Variants in POLR1A observed in about 807,000 individuals in gnomAD.
POLR1A encodes DNA-directed RNA polymerase I subunit RPA1.
Under a neutral mutation model 205.3 loss-of-function variants are expected in POLR1A, and 84 were observed. The observed-to-expected ratio is 0.41, with a 90% CI of 0.34 to 0.49. The LOEUF (loss-of-function observed/expected upper bound fraction) is 0.49. Among genes scored for constraint, POLR1A ranks in the 20% least tolerant of loss-of-function variants. The probability of loss-of-function intolerance (pLI) is 0.22; values close to 1 mark genes in which losing one functional copy is unlikely to be tolerated. For synonymous variants in POLR1A, 799 were observed against 863.7 expected (o/e 0.93, Z 1.31); for missense variants, 1,645 against 2,204.5 (o/e 0.75, Z 5.08).
intron 3 of POLR1A, 24 bp from the exon 4 acceptor site, chr2:86,089,953 C>T: frequency 1.6e-6 from 2 of 1,252,764 alleles, no homozygotes; most frequent in Non-Finnish European, 2.4e-6. Context: ...AGGAAAACTC[C>T]ATTATCACAG....
intron 16 of POLR1A, among the ~76,000 whole-genome samples, chr2:86,051,890 G>C (rs1672809469): frequency 6.6e-6 from 1 of 152,250 alleles, no homozygotes; most frequent in Non-Finnish European, 1.5e-5. Context: ...TCGTGTCTTA[G>C]GATCACCCCG....
Position 86,028,171 on chromosome 2 carries a change from T to C in POLR1A, c.4898-122A>G. 1 of 903,450 alleles carries C rather than the reference T, an allele frequency of 1.1e-6. No homozygotes were observed. The highest frequency in any genetic ancestry group is 1.8e-6 in the Non-Finnish European group (1 of 558,504). 56.0% of individuals were successfully genotyped at this position (903,450 alleles called of 1,614,324 possible). A position where few individuals can be genotyped will look rare whatever the true frequency, so the allele number is the denominator to read the frequency against. On this transcript the variant is annotated intron_variant, in intron 32 of 33. Coordinates refer to ENST00000263857, the MANE Select transcript of POLR1A (RefSeq NM_015425.6). This position sits in a 1 kb window ranked among gnomAD's most constrained non-coding sequence, Gnocchi z 4.5. The stretch of plus-strand genomic sequence containing the variant: ...TGGGAGTTAGACTCTGGGGCTCCCC[T>C]TCAGCTCCGCCACCTGCTCACGCTA...
At chr2:86,040,272 C>T (rs1203120841) in intron 25 of POLR1A, 120 bp downstream of exon 25, 1 of 801,008 alleles carries the variant, frequency 1.2e-6, no homozygotes, top group African/African-American at 1.8e-5. Context: ...GACCCTGTCC[C>T]TCTCTCACAC....
intron 2 of POLR1A, 85 bp downstream of exon 2, chr2:86,099,883 C>T (rs2104437541): frequency 2.5e-6 from 3 of 1,179,330 alleles, no homozygotes; most frequent in South Asian, 1.2e-5. Context: ...GGCTTAACCT[C>T]CTTAGACCAC....
At chr2:86,103,714 A>G (rs1176398204) in intron 1 of POLR1A, among the ~76,000 whole-genome samples, 1 of 152,228 alleles carries the variant, frequency 6.6e-6, no homozygotes, top group Non-Finnish European at 1.5e-5. Flanking sequence ...AAAAGACAAG[A>G]GTGACACATA....
rs373425985 is a variant in POLR1A at position 86,096,933 on chromosome 2, C to T, written c.432+1678G>A. ...GTCAACAGAGTGAAAAGACAACCTA[C>T]GGAATAGGAGAAAATATTTGCAAAC... On this transcript the variant is annotated intron_variant, in intron 3 of 33. Transcript: ENST00000263857. 1.2e-3 allele frequency among the ~76,000 whole-genome samples: 175 copies of T among 152,132 alleles called. 3 individuals carry two copies. The South Asian group carries it at 0.033, about 29-fold the overall frequency.
At chr2:86,099,727 C>T (rs1171847343) in intron 2 of POLR1A, among the ~76,000 whole-genome samples, 2 of 152,170 alleles carry the variant, frequency 1.3e-5, no homozygotes, top group South Asian at 2.1e-4. Flanking sequence ...CGACCCTCCA[C>T]GCAAACGGAA....
At chr2:86,095,855 G>C (rs917894418) in intron 3 of POLR1A, among the ~76,000 whole-genome samples, 20 of 151,956 alleles carry the variant, frequency 1.3e-4, no homozygotes, top group African/African-American at 4.4e-4. Flanking sequence ...AGCCTCCGGA[G>C]TAGCTGGGAC....
intron 4 of POLR1A, 94 bp from the exon 5 acceptor site, chr2:86,088,964 C>T: frequency 1.2e-6 from 1 of 843,904 alleles, no homozygotes; most frequent in Non-Finnish European, 1.9e-6. Context: ...TATTTTTAAC[C>T]AGCGGAAACA....
chr2:86,050,164 C>A (rs1271740425), intron 16 of POLR1A, among the ~76,000 whole-genome samples: 4 of 152,138 alleles, frequency 2.6e-5, no homozygotes, highest in African/African-American at 9.7e-5. Context: ...GATCCACCTG[C>A]CTCGGCCTCC....
At position 86,033,675 on chromosome 2, in the gene POLR1A, AC is replaced by A; in HGVS notation, c.4146del (p.Glu1382AspfsTer87). ...ATQRDLDNAGELGRSRGEQEG... is the reference protein window; with the variant it reads ...ATQRDLDNAGXLGRSRGEQEG... Reference sequence around the variant, plus strand: ...GACTCACTCACCCGACTCCTCCCCAACTCCCCAGCGTTGTCCAGATCCCGCT... The same window carrying A: ...GACTCACTCACCCGACTCCTCCCCAATCCCCAGCGTTGTCCAGATCCCGCT... On this transcript the variant is annotated frameshift_variant, in exon 28 of 34. Transcript: ENST00000263857. LOFTEE classifies it high-confidence loss of function. 1.2e-6 allele frequency: 2 copies of A among 1,613,170 alleles called. No individual in the cohort carries two copies. The highest frequency in any genetic ancestry group is 1.7e-6 in the Non-Finnish European group (2 of 1,179,764).
chr2:86,104,739 G>A (rs532489039), intron 1 of POLR1A, among the ~76,000 whole-genome samples: 1 of 152,330 alleles, frequency 6.6e-6, no homozygotes, highest in South Asian at 2.1e-4. Context: ...GAGCCACCGT[G>A]CCCGGCCATG....
At chr2:86,051,255 T>C (rs1436332229) in intron 16 of POLR1A, among the ~76,000 whole-genome samples, 1 of 152,200 alleles carries the variant, frequency 6.6e-6, no homozygotes, top group Non-Finnish European at 1.5e-5. Flanking sequence ...ATCCCACTTT[T>C]TCCAAATGTA....
chr2:86,074,891 G>T, intron 12 of POLR1A, 139 bp downstream of exon 12: 1 of 630,778 alleles, frequency 1.6e-6, no homozygotes, highest in Non-Finnish European at 2.8e-6. Flanking sequence ...AATCTAAAAA[G>T]CCACCCACGT....
chr2:86,085,766 A>G (rs1168337287), intron 6 of POLR1A, among the ~76,000 whole-genome samples: 1 of 152,220 alleles, frequency 6.6e-6, no homozygotes, highest in African/African-American at 2.4e-5. Context: ...GCAGCTTGCA[A>G]CAATGCCTTC....
Position 86,033,641 on chromosome 2 carries a change from A to C in POLR1A, c.4161+20T>G. 6.2e-7 allele frequency: 1 copy of C among 1,609,902 alleles called. No homozygotes were observed. The highest frequency in any genetic ancestry group is 1.7e-5 in the Admixed American group (1 of 59,766). ...GGGCTGTCCCTGTGCAACTCTAGTG[A>C]CCCCCGGGGACTCACTCACCCGACT... On this transcript the variant is annotated intron_variant, in intron 28 of 33. Coordinates refer to ENST00000263857, the MANE Select transcript of POLR1A (RefSeq NM_015425.6).
intron 19 of POLR1A, among the ~76,000 whole-genome samples, chr2:86,046,392 T>C (rs575038980): frequency 2.0e-5 from 3 of 152,324 alleles, no homozygotes; most frequent in African/African-American, 7.2e-5. Context: ...GAGAGCAGTA[T>C]ATCTAGGTTT....
chr2:86,069,857 C>T (rs1447471128), intron 13 of POLR1A, among the ~76,000 whole-genome samples, 161 bp downstream of exon 13: 1 of 152,232 alleles, frequency 6.6e-6, no homozygotes, highest in African/African-American at 2.4e-5. Context: ...CTCTAAGCCA[C>T]TAGATGGGCT....
At chr2:86,047,539 G>A (rs1463596837) in intron 18 of POLR1A, among the ~76,000 whole-genome samples, 3 of 152,192 alleles carry the variant, frequency 2.0e-5, no homozygotes, top group Non-Finnish European at 2.9e-5. Flanking sequence ...AGCAAAAAGG[G>A]AGAAGGAAAA....
Sources: allele counts gnomAD v4.1 joint callset (sites outside exome capture counted in the v4.1 genomes callset), GRCh38; gene constraint gnomAD v4.1.1; non-coding constraint Gnocchi (gnomAD v3.1); transcripts MANE v1.5; gene names NCBI Gene and HGNC (gene_info 2026-07-23, HGNC 2026-07-21).